The following IRGM variants were observed in gnomAD, a reference collection of about 807,000 sequenced individuals.
IRGM encodes the protein immunity-related GTPase family M protein.
For missense variants in IRGM, 288 were observed against 219.9 expected (o/e 1.31, Z -1.96); for synonymous variants, 98 against 80.6 (o/e 1.22, Z -1.16).
chr5:150,854,847 A>C (rs1403540082), intron 1 of IRGM, among the ~76,000 whole-genome samples: 1 of 152,056 alleles, frequency 6.6e-6, no homozygotes, highest in Non-Finnish European at 1.5e-5. Context: ...CAAACTTGGG[A>C]AGCTTTTGGC....
In IRGM at chr5:150,862,404, G is replaced by A. The variant is rs74888582; in HGVS notation, c.158+13750G>A. 3.0e-3 allele frequency among the ~76,000 whole-genome samples: 457 copies of A among 152,302 alleles called. 2 individuals carry two copies. Among genetic ancestry groups the A allele is most frequent in the African/African-American group, 0.011 (445 of 41,552 alleles). On this transcript the variant is annotated intron_variant and NMD_transcript_variant, in intron 1 of 3. Coordinates refer to the IRGM transcript ENST00000520549. ...TGTACAAGGGGTGAATATCAAAGGAGGGAATAATTGGGAACTGTTTTAGAG... is the reference window on the plus strand; with the variant it reads ...TGTACAAGGGGTGAATATCAAAGGAAGGAATAATTGGGAACTGTTTTAGAG...
At chr5:150,884,659 C>G (rs1052892478) in intron 3 of IRGM, among the ~76,000 whole-genome samples, 1 of 152,142 alleles carries the variant, frequency 6.6e-6, no homozygotes, top group South Asian at 2.1e-4. Context: ...ATTTACACTT[C>G]TCTAATGATC....
At chr5:150,894,745 T>G (rs1754692778) in intron 3 of IRGM, 2 of 152,330 alleles carry the variant, frequency 1.3e-5, no homozygotes, top group Admixed American at 1.3e-4. Flanking sequence ...TGTGAGGCAC[T>G]GAGCCAGGAT....
At chr5:150,862,389 G>T (rs1223480191) in intron 1 of IRGM, among the ~76,000 whole-genome samples, 2 of 152,200 alleles carry the variant, frequency 1.3e-5, no homozygotes, top group East Asian at 1.9e-4. Context: ...TGTACAAGGG[G>T]TGAATATCAA....
chr5:150,890,242 G>A (rs980582837), intron 3 of IRGM, among the ~76,000 whole-genome samples: 2 of 151,886 alleles, frequency 1.3e-5, no homozygotes, highest in African/African-American at 4.8e-5. Context: ...AGTAAGGTGT[G>A]GTAGTTTGTA....
intron 3 of IRGM, among the ~76,000 whole-genome samples, chr5:150,888,719 C>T (rs1754561393): frequency 6.6e-6 from 1 of 151,940 alleles, no homozygotes; most frequent in African/African-American, 2.4e-5. Context: ...GAAATTATGG[C>T]AGAAACCAAG....
At chr5:150,893,755 T>C (rs1754658298) in intron 3 of IRGM, among the ~76,000 whole-genome samples, 1 of 152,122 alleles carries the variant, frequency 6.6e-6, no homozygotes, top group Non-Finnish European at 1.5e-5. Flanking sequence ...TCCATATAAA[T>C]AGAGCTAAAA....
chr5:150,849,998 G>C (rs1376521919), downstream of IRGM, among the ~76,000 whole-genome samples: 1 of 152,078 alleles, frequency 6.6e-6, no homozygotes, highest in African/African-American at 2.4e-5. Flanking sequence ...TAAAGCAATT[G>C]TAAGCCAAAT....
chr5:150,848,747 A>G (rs1295992141), downstream of IRGM: 18 of 1,034,856 alleles, frequency 1.7e-5, 1 homozygote, highest in South Asian at 2.0e-4. Flanking sequence ...TCATTGAAAC[A>G]CACCTGGTGC....
At chr5:150,864,705 T>C (rs1216394960) in intron 1 of IRGM, among the ~76,000 whole-genome samples, 1 of 152,232 alleles carries the variant, frequency 6.6e-6, no homozygotes, top group Non-Finnish European at 1.5e-5. Context: ...CCCACAGATT[T>C]TCCCCCGTCT....
intron 3 of IRGM, among the ~76,000 whole-genome samples, chr5:150,884,136 G>A (rs1465973092): frequency 6.6e-6 from 1 of 151,444 alleles, no homozygotes. Flanking sequence ...CGGAATGAAG[G>A]ACAAAAGCCA....
downstream of IRGM, among the ~76,000 whole-genome samples, chr5:150,851,962 T>C (rs1458029157): frequency 6.6e-6 from 1 of 152,220 alleles, no homozygotes; most frequent in African/African-American, 2.4e-5. Context: ...GTATGGCATG[T>C]ACATGATACA....
At chr5:150,860,467 C>G (rs183302310) in intron 1 of IRGM, among the ~76,000 whole-genome samples, 1 of 152,306 alleles carries the variant, frequency 6.6e-6, no homozygotes, top group Non-Finnish European at 1.5e-5. Flanking sequence ...TGGGGGAATC[C>G]TAAATCCTAA....
chr5:150,856,272 AG>A (rs1299860510), intron 1 of IRGM, among the ~76,000 whole-genome samples: 1 of 152,088 alleles, frequency 6.6e-6, no homozygotes, highest in Admixed American at 6.5e-5. Flanking sequence ...CTCTACTAAA[AG>A]TACAAAAATT....
At chr5:150,854,041 G>A (rs746752866) in intron 1 of IRGM, among the ~76,000 whole-genome samples, 20 of 151,676 alleles carry the variant, frequency 1.3e-4, no homozygotes, top group Non-Finnish European at 2.4e-4. Context: ...ATTTTTTATA[G>A]TGACACATTT....
downstream of IRGM, among the ~76,000 whole-genome samples, chr5:150,851,603 C>A (rs979926578): frequency 8.5e-5 from 13 of 152,112 alleles, no homozygotes; most frequent in African/African-American, 2.9e-4. Context: ...ATATAAAGGG[C>A]CATTGAATCA....
downstream of IRGM, among the ~76,000 whole-genome samples, chr5:150,849,078 G>C (rs1293469317): frequency 1.3e-5 from 2 of 151,664 alleles, no homozygotes; most frequent in Non-Finnish European, 2.9e-5. Flanking sequence ...GTCGGGAGGA[G>C]CCCTCTCCAG....
intron 3 of IRGM, among the ~76,000 whole-genome samples, chr5:150,889,290 G>C (rs766828771): frequency 3.3e-5 from 5 of 152,028 alleles, no homozygotes; most frequent in African/African-American, 4.8e-5. Context: ...ATGGCAGAAG[G>C]TGAAAAGCAC....
chr5:150,857,332 T>A (rs1163597393), intron 1 of IRGM, among the ~76,000 whole-genome samples: 2 of 152,196 alleles, frequency 1.3e-5, no homozygotes, highest in Non-Finnish European at 2.9e-5. Context: ...AGTCTATCAT[T>A]GTTGGACATT....
Sources: allele counts gnomAD v4.1 joint callset (sites outside exome capture counted in the v4.1 genomes callset), GRCh38; gene constraint gnomAD v4.1.1; transcripts MANE v1.5; gene names NCBI Gene and HGNC (gene_info 2026-07-23, HGNC 2026-07-21).